Variants in ADAMTSL3 observed in about 807,000 individuals in gnomAD.
ADAMTSL3 encodes ADAMTS-like protein 3.
In ADAMTSL3, 128 loss-of-function variants were observed where a neutral mutation model predicts 201.7. That is an observed-to-expected ratio of 0.63 (90% CI 0.55 to 0.73). ADAMTSL3 has a LOEUF of 0.73. Among genes scored for constraint, ADAMTSL3 ranks in the 30% least tolerant of loss-of-function variants. ADAMTSL3 has a pLI of 0.00. For synonymous variants in ADAMTSL3, 738 were observed against 748.4 expected (o/e 0.99, Z 0.23); for missense variants, 1,990 against 2,119.6 (o/e 0.94, Z 1.20).
Position 83,859,817 on chromosome 15 carries a change from T to G in ADAMTSL3, c.802+977T>G, listed in dbSNP as rs1596323504. Among the ~76,000 whole-genome samples, 3 of 152,342 alleles carry G rather than the reference T, an allele frequency of 2.0e-5. No individual in the cohort carries two copies. In the South Asian group the frequency reaches 6.2e-4, roughly 32 times the overall value. The stretch of plus-strand genomic sequence containing the variant: ...CAATGGGAAATTTGCCTGTTTAAGA[T>G]TAATCCCCTCATGGGAGAATAAAAA... On this transcript the variant is annotated intron_variant, in intron 8 of 29. Coordinates refer to ENST00000286744, the MANE Select transcript of ADAMTSL3 (RefSeq NM_207517.3).
intron 17 of ADAMTSL3, among the ~76,000 whole-genome samples, chr15:83,939,187 A>T (rs1370329817): frequency 6.6e-6 from 1 of 152,066 alleles, no homozygotes; most frequent in Non-Finnish European, 1.5e-5. Context: ...CTAATATTTT[A>T]TTTAGGATTT....
chr15:84,037,561 C>T, intron 29 of ADAMTSL3, 139 bp from the exon 30 acceptor site: 12 of 930,192 alleles, frequency 1.3e-5, no homozygotes, highest in Non-Finnish European at 1.9e-5. Flanking sequence ...GACTCTCATG[C>T]AAAACAATGG....
In ADAMTSL3 at chr15:84,039,747, C is replaced by T. The variant is rs2068573321; in HGVS notation, c.*1941C>T. On this transcript the variant is annotated 3_prime_UTR_variant, in exon 30 of 30. Transcript: ENST00000286744. ...CATTCCTGTGTACTGTATTTTACTA[C>T]TGTTTTTATAACATGAGAGTTAATG... 6.6e-6 allele frequency: 1 copy of T among 152,536 alleles called. No individual in the cohort carries two copies. Among genetic ancestry groups the T allele is most frequent in the African/African-American group, 2.4e-5 (1 of 41,434 alleles). The allele number at this position is 152,536 out of a possible 1,614,324, so 9.4% of individuals were successfully genotyped here.
intron 3 of ADAMTSL3, among the ~76,000 whole-genome samples, chr15:83,748,845 C>T (rs746383010): frequency 3.3e-5 from 5 of 151,920 alleles, no homozygotes; most frequent in Middle Eastern, 6.3e-3. Flanking sequence ...GAGGAGTGGC[C>T]TGGGGAGTAG....
chr15:83,974,301 A>G (rs1478992364), intron 20 of ADAMTSL3, among the ~76,000 whole-genome samples: 3 of 152,182 alleles, frequency 2.0e-5, no homozygotes, highest in African/African-American at 4.8e-5. Flanking sequence ...TATTTAACCT[A>G]TGTGGGTCTC....
At chr15:84,015,660 G>A (rs989815217) in intron 24 of ADAMTSL3, among the ~76,000 whole-genome samples, 1 of 152,170 alleles carries the variant, frequency 6.6e-6, no homozygotes, top group East Asian at 1.9e-4. Context: ...GTGCCACCAC[G>A]TGGCTCTTTC....
At chr15:83,717,546 G>A (rs1479582270) in intron 3 of ADAMTSL3, 1 of 152,206 alleles carries the variant, frequency 6.6e-6, no homozygotes, top group Non-Finnish European at 1.5e-5. Flanking sequence ...TAGTTGTAAG[G>A]GAAGGGAGAA....
chr15:83,820,392 C>A (rs908949051), intron 6 of ADAMTSL3, among the ~76,000 whole-genome samples: 1 of 152,126 alleles, frequency 6.6e-6, no homozygotes, highest in African/African-American at 2.4e-5. Context: ...ATTAGTGATT[C>A]TCTAACTTGA....
chr15:83,969,504 A>G (rs1252636501), intron 19 of ADAMTSL3, among the ~76,000 whole-genome samples: 1 of 152,238 alleles, frequency 6.6e-6, no homozygotes, highest in Non-Finnish European at 1.5e-5. Context: ...GGATAAAGAA[A>G]ATATGGTACT....
intron 16 of ADAMTSL3, among the ~76,000 whole-genome samples, chr15:83,921,317 G>A (rs901660159): frequency 4.6e-5 from 7 of 152,072 alleles, no homozygotes; most frequent in African/African-American, 1.4e-4. Context: ...AATGTTCCAC[G>A]GATGCTTCAA....
intron 2 of ADAMTSL3, among the ~76,000 whole-genome samples, chr15:83,674,109 A>ATT (rs2061361909): frequency 6.7e-6 from 1 of 149,318 alleles, no homozygotes; most frequent in African/African-American, 2.5e-5. Context: ...TATTTATCAA[A>ATT]TTTTTTCACT....
intron 9 of ADAMTSL3, among the ~76,000 whole-genome samples, chr15:83,878,806 C>T (rs2065224184): frequency 6.6e-6 from 1 of 151,894 alleles, no homozygotes; most frequent in South Asian, 2.1e-4. Flanking sequence ...CAGGTCTTGA[C>T]ATTTTATTCT....
intron 27 of ADAMTSL3, among the ~76,000 whole-genome samples, chr15:84,029,018 TGA>T (rs2068357576): frequency 6.6e-6 from 1 of 152,230 alleles, no homozygotes; most frequent in Non-Finnish European, 1.5e-5. Flanking sequence ...TGCAGATATG[TGA>T]GTCAATTAAA....
At chr15:83,768,562 G>C (rs1170070668) in intron 3 of ADAMTSL3, among the ~76,000 whole-genome samples, 1 of 152,170 alleles carries the variant, frequency 6.6e-6, no homozygotes, top group African/African-American at 2.4e-5. Flanking sequence ...TAGTTGCAAA[G>C]GATCTGGGAA....
chr15:83,921,766 C>G (rs2066148454), intron 16 of ADAMTSL3, among the ~76,000 whole-genome samples: 1 of 152,148 alleles, frequency 6.6e-6, no homozygotes, highest in African/African-American at 2.4e-5. Context: ...CTTGCTGCAG[C>G]CCCAGCCTCC....
intron 28 of ADAMTSL3, among the ~76,000 whole-genome samples, chr15:84,035,800 A>G (rs1319714086): frequency 1.3e-5 from 2 of 152,242 alleles, no homozygotes; most frequent in East Asian, 1.9e-4. Context: ...AAGGACTACA[A>G]CTAAGAAATG....
chr15:83,673,815 G>A (rs903485117), intron 2 of ADAMTSL3, among the ~76,000 whole-genome samples: 1 of 152,186 alleles, frequency 6.6e-6, no homozygotes, highest in African/African-American at 2.4e-5. Flanking sequence ...AAGAAAGAAA[G>A]CTATCTTAAG....
chr15:83,754,152 C>T (rs553219485), intron 3 of ADAMTSL3, among the ~76,000 whole-genome samples: 173 of 152,304 alleles, frequency 1.1e-3, no homozygotes, highest in Non-Finnish European at 2.2e-3. Flanking sequence ...TAGCACCTCC[C>T]TCTCCTCAGT....
intron 3 of ADAMTSL3, among the ~76,000 whole-genome samples, chr15:83,726,035 T>A (rs2062169711): frequency 6.6e-6 from 1 of 152,136 alleles, no homozygotes; most frequent in South Asian, 2.1e-4. Flanking sequence ...ATATGGAATA[T>A]CTTTTCCTTT....
Sources: allele counts gnomAD v4.1 joint callset (sites outside exome capture counted in the v4.1 genomes callset), GRCh38; gene constraint gnomAD v4.1.1; transcripts MANE v1.5; gene names NCBI Gene and HGNC (gene_info 2026-07-23, HGNC 2026-07-21).